Variants in GFRA1 observed in about 807,000 individuals in gnomAD.
GFRA1 encodes the protein GDNF family receptor alpha 1.
Under a neutral mutation model 51.6 loss-of-function variants are expected in GFRA1, and 16 were observed. The observed-to-expected ratio is 0.31, with a 90% CI of 0.21 to 0.47. The LOEUF is 0.47. Among genes scored for constraint, GFRA1 ranks in the 20% least tolerant of loss-of-function variants. The pLI is 1.00. For synonymous variants in GFRA1, 270 were observed against 241.3 expected (o/e 1.12, Z -1.10); for missense variants, 530 against 594.3 (o/e 0.89, Z 1.13).
chr10:116,147,836 G>A (rs1159067724), intron 5 of GFRA1, among the ~76,000 whole-genome samples: 2 of 151,964 alleles, frequency 1.3e-5, no homozygotes, highest in Admixed American at 6.6e-5. Context: ...CAAACCTCAC[G>A]CACGCTCCTC....
rs189750353 is a variant in GFRA1 at position 116,130,693 on chromosome 10, T to C, written c.434-5136A>G. Reference sequence around the variant, plus strand: ...TTTCAACATATGGTACTAGAATAATTGGATAATAATTTTTAAAAAAGAAAA... The same window carrying C: ...TTTCAACATATGGTACTAGAATAATCGGATAATAATTTTTAAAAAAGAAAA... On this transcript the variant is annotated intron_variant, in intron 5 of 10. Transcript: ENST00000355422. Among the ~76,000 whole-genome samples, 312 of 152,106 alleles carry C rather than the reference T, an allele frequency of 2.1e-3. 1 individual carries two copies. Among genetic ancestry groups the C allele is most frequent in the African/African-American group, 7.2e-3 (299 of 41,516 alleles).
rs3032041 is a variant in GFRA1, at chr10:116,251,963, CTTTT to C, written c.418+17536_418+17539del. Among the ~76,000 whole-genome samples the C allele has an allele frequency of 2.6e-3, 210 of 79,816 alleles. 3 individuals are homozygous for C. The highest frequency in any genetic ancestry group is 8.6e-3 in the Middle Eastern group (1 of 116). The allele number at this position is 79,816 out of a possible 152,430, so 52.4% of individuals were successfully genotyped here. A position where few individuals can be genotyped will look rare whatever the true frequency, so the allele number is the denominator to read the frequency against. ...AGAGGACACAGACAACAATAGGCCT[CTTTT>C]TTTTTTTTTTTTTTTTTTTTTTTAC... On this transcript the variant is annotated intron_variant, in intron 4 of 10. Coordinates refer to ENST00000355422, the MANE Select transcript of GFRA1 (RefSeq NM_005264.8).
intron 5 of GFRA1, among the ~76,000 whole-genome samples, chr10:116,144,985 C>T (rs1958732994): frequency 6.6e-6 from 1 of 151,514 alleles, no homozygotes; most frequent in Non-Finnish European, 1.5e-5. Flanking sequence ...CCCATCTCTA[C>T]TAAAAATACA....
intron 4 of GFRA1, among the ~76,000 whole-genome samples, chr10:116,233,091 C>T (rs948096854): frequency 6.6e-6 from 1 of 152,092 alleles, no homozygotes; most frequent in Non-Finnish European, 1.5e-5. Flanking sequence ...CTGTAGGAGG[C>T]CGAGGCAGGC....
chr10:116,207,108 ATTT>A (rs60129810), intron 5 of GFRA1, among the ~76,000 whole-genome samples: 90,785 of 151,604 alleles, frequency 0.6, 28,398 homozygotes, highest in African/African-American at 0.79. Flanking sequence ...AGGGTCAGGT[ATTT>A]TCTCATCTGT....
intron 9 of GFRA1, among the ~76,000 whole-genome samples, chr10:116,089,536 A>T (rs904619780): frequency 6.6e-6 from 1 of 152,222 alleles, no homozygotes; most frequent in Non-Finnish European, 1.5e-5. Context: ...AGTAAACGAC[A>T]GAGTCAGTTC....
At chr10:116,066,595 C>T (rs900853714) in intron 9 of GFRA1, among the ~76,000 whole-genome samples, 1 of 152,150 alleles carries the variant, frequency 6.6e-6, no homozygotes, top group African/African-American at 2.4e-5. Flanking sequence ...GAAAACAGAG[C>T]CCAGAGAAGT....
intron 5 of GFRA1, among the ~76,000 whole-genome samples, chr10:116,169,417 G>A (rs1012461757): frequency 2.0e-5 from 3 of 152,330 alleles, no homozygotes; most frequent in Non-Finnish European, 2.9e-5. Flanking sequence ...GGACCTAAAC[G>A]AAAACTTCAC....
At chr10:116,144,437 T>C (rs947611564) in intron 5 of GFRA1, among the ~76,000 whole-genome samples, 1 of 152,120 alleles carries the variant, frequency 6.6e-6, no homozygotes, top group African/African-American at 2.4e-5. Context: ...ATAAATGCTG[T>C]GCTAGTTACC....
At chr10:116,071,974 T>A (rs1254512259) in intron 9 of GFRA1, among the ~76,000 whole-genome samples, 2 of 152,120 alleles carry the variant, frequency 1.3e-5, no homozygotes, top group African/African-American at 2.4e-5. Flanking sequence ...AGGAGTGACG[T>A]TTGACACCCG....
chr10:116,273,957 T>C (rs776296568), upstream of GFRA1, among the ~76,000 whole-genome samples: 15 of 151,984 alleles, frequency 9.9e-5, no homozygotes, highest in Middle Eastern at 6.8e-3. Context: ...TCTCTACCTC[T>C]CTCCTGGAGC....
intron 4 of GFRA1, chr10:116,255,633 C>T (rs1353973227): frequency 7.8e-7 from 1 of 1,289,010 alleles, no homozygotes; most frequent in African/African-American, 1.5e-5. Context: ...TGTTAGCTCA[C>T]CTGGAATCCA....
chr10:116,211,596 C>T, intron 5 of GFRA1, 35 bp downstream of exon 5: 1 of 1,538,922 alleles, frequency 6.5e-7, no homozygotes, highest in South Asian at 1.2e-5. Flanking sequence ...AAGAGCACAG[C>T]CAGTGAAAAA....
intron 8 of GFRA1, 97 bp downstream of exon 8, chr10:116,093,605 G>T: frequency 9.5e-7 from 1 of 1,052,280 alleles, no homozygotes. Context: ...ACAGGCACAA[G>T]GTACAAGAGG....
At chr10:116,165,760 G>A (rs764531396) in intron 5 of GFRA1, among the ~76,000 whole-genome samples, 14 of 152,030 alleles carry the variant, frequency 9.2e-5, no homozygotes, top group Non-Finnish European at 1.9e-4. Context: ...TGAAGGGAGA[G>A]GAAAATAGGA....
chr10:116,092,969 C>A (rs957902172), intron 8 of GFRA1, among the ~76,000 whole-genome samples: 8 of 152,108 alleles, frequency 5.3e-5, no homozygotes, highest in Non-Finnish European at 4.4e-5. Context: ...CTGATGAATG[C>A]CCATTGTTCA....
intron 5 of GFRA1, among the ~76,000 whole-genome samples, chr10:116,163,534 T>C (rs1012225458): frequency 3.9e-5 from 6 of 152,182 alleles, no homozygotes; most frequent in Admixed American, 6.5e-5. Flanking sequence ...TTCATGCAAA[T>C]TCATGAATAA....
chr10:116,250,062 G>A (rs1048443760), intron 4 of GFRA1, among the ~76,000 whole-genome samples: 3 of 152,168 alleles, frequency 2.0e-5, no homozygotes, highest in African/African-American at 7.2e-5. Context: ...GGAAGGCAAG[G>A]GCAAAGGCTT....
chr10:116,106,661 G>C (rs1410795430), intron 6 of GFRA1, among the ~76,000 whole-genome samples: 2 of 151,912 alleles, frequency 1.3e-5, no homozygotes, highest in African/African-American at 2.4e-5. Flanking sequence ...CTCCGATCAT[G>C]TGACATGTCT....
Sources: allele counts gnomAD v4.1 joint callset (sites outside exome capture counted in the v4.1 genomes callset), GRCh38; gene constraint gnomAD v4.1.1; transcripts MANE v1.5; gene names NCBI Gene and HGNC (gene_info 2026-07-23, HGNC 2026-07-21).